CLPTM1L: variants seen among roughly 807,000 people sequenced by gnomAD.
The protein encoded by CLPTM1L is lipid scramblase CLPTM1L.
In CLPTM1L, 38 loss-of-function variants were observed where a neutral mutation model predicts 70.9. The ratio of observed to expected loss-of-function variants is 0.54; its 90% CI spans 0.41 to 0.70. The LOEUF is 0.70. Among genes scored for constraint, CLPTM1L ranks in the 30% least tolerant of loss-of-function variants. The pLI, the probability that CLPTM1L is intolerant of heterozygous loss-of-function variation, is 0.00. For synonymous variants in CLPTM1L, 339 were observed against 299.9 expected, an observed-to-expected ratio of 1.13 and a Z score of -1.35; for missense variants, 652 against 705.9, an observed-to-expected ratio of 0.92 and a Z score of 0.87.
chr5:1,334,916 C>G, intron 6 of CLPTM1L, 141 bp downstream of exon 6: 1 of 622,052 alleles, frequency 1.6e-6, no homozygotes, highest in South Asian at 1.9e-5. Context: ...GAGGCAGGCG[C>G]TGCTAGCCTC....
intron 10 of CLPTM1L, 176 bp from the exon 11 acceptor site, chr5:1,324,989 T>C: frequency 1.6e-6 from 1 of 625,532 alleles, no homozygotes; most frequent in Non-Finnish European, 2.9e-6. Flanking sequence ...TCCGCATGGA[T>C]CCTTCCCGCC....
At chr5:1,341,643 G>T (rs764419456) in intron 3 of CLPTM1L, 28 bp downstream of exon 3, 2 of 1,571,102 alleles carry the variant, frequency 1.3e-6, no homozygotes, top group Non-Finnish European at 1.7e-6. Context: ...GGCACAGCCT[G>T]TTATCAGTAA....
At chr5:1,337,815 C>A in intron 5 of CLPTM1L, 89 bp downstream of exon 5, 1 of 1,031,068 alleles carries the variant, frequency 9.7e-7, no homozygotes, top group Non-Finnish European at 1.5e-6. Context: ...CAGCAATGGC[C>A]CGGTCCATTA....
chr5:1,331,107 C>T lies in CLPTM1L; in HGVS notation c.976+692G>A, dbSNP rs78230407. ...CTCGTCCTCACACCCATCAACCACT[C>T]GCCCCTGTCCAGACCGCCGCTCCCC... On this transcript the variant is annotated intron_variant, in intron 8 of 16. Coordinates refer to ENST00000320895, the MANE Select transcript of CLPTM1L (RefSeq NM_030782.5). The T allele has an allele frequency of 8.6e-4, 132 of 153,300 alleles. 3 individuals carry two copies. In the East Asian group the frequency reaches 0.018, roughly 21 times the overall value. 9.5% of individuals were successfully genotyped at this position (153,300 alleles called of 1,614,324 possible). A position where few individuals can be genotyped will look rare whatever the true frequency, so the allele number is the denominator to read the frequency against.
chr5:1,324,926 A>G (rs937261699), intron 10 of CLPTM1L, 113 bp from the exon 11 acceptor site: 3 of 952,136 alleles, frequency 3.2e-6, no homozygotes, highest in African/African-American at 1.6e-5. Context: ...AGGCCTCACT[A>G]CAGAGGGCGC....
At position 1,320,647 on chromosome 5, in the gene CLPTM1L, C is replaced by A. The variant is rs778022626; in HGVS notation, c.1501G>T (p.Val501Leu). 2 of 1,546,080 alleles carry A rather than the reference C, an allele frequency of 1.3e-6. No homozygotes were observed. The highest frequency in any genetic ancestry group is 1.2e-5 in the South Asian group (1 of 83,658). ...TGGTACAGGTAGACCAGAAACACCACGTCGTCCCGGAAGCAGGCCAGCCGG... is the reference window on the plus strand; with the variant it reads ...TGGTACAGGTAGACCAGAAACACCAAGTCGTCCCGGAAGCAGGCCAGCCGG... The part of the protein sequence containing the change: ...SHRLACFRDD[V>L]VFLVYLYQRW... The change falls in exon 16 of 17, where the codon GTG becomes TTG. Residue 501 changes from valine to leucine, a missense_variant. Physicochemically the swap from Val to Leu is conservative, Grantham distance 32. This residue lies in a region of CLPTM1L where 240 missense variants were observed against 295.0 expected (regional missense o/e 0.81). Coordinates refer to ENST00000320895, the MANE Select transcript of CLPTM1L (RefSeq NM_030782.5).
intron 11 of CLPTM1L, chr5:1,324,097 T>A: frequency 1.8e-6 from 1 of 559,980 alleles, no homozygotes; most frequent in Non-Finnish European, 3.2e-6. Flanking sequence ...CTACAGGCGC[T>A]AGTTAACAAT....
rs758630380 is a variant in CLPTM1L at position 1,342,567 on chromosome 5, G to A, written c.264-707C>T. On this transcript the variant is annotated intron_variant, in intron 2 of 16. Coordinates refer to ENST00000320895, the MANE Select transcript of CLPTM1L (RefSeq NM_030782.5). The surrounding 1 kb of genome is among the most constrained non-coding windows in gnomAD (Gnocchi z 4.3). The stretch of plus-strand genomic sequence containing the variant: ...AAAACCTCGCATTCCACCTGTTTAC[G>A]GTTACATGAGTTCTTCTTCCTCTTT... Among the ~76,000 whole-genome samples the A allele has an allele frequency of 7.2e-5, 11 of 152,272 alleles. No individual in the cohort carries two copies. The highest frequency in any genetic ancestry group is 1.6e-4 in the Non-Finnish European group (11 of 68,010).
chr5:1,334,045 C>T (rs909809093), intron 7 of CLPTM1L, among the ~76,000 whole-genome samples: 1 of 152,144 alleles, frequency 6.6e-6, no homozygotes, highest in Admixed American at 6.5e-5. Context: ...CAGCACAGCC[C>T]AAGTCGCCAA....
At chr5:1,333,453 T>C (rs71213494) in intron 7 of CLPTM1L, among the ~76,000 whole-genome samples, 20 of 17,894 alleles carry the variant, frequency 1.1e-3, no homozygotes, top group African/African-American at 1.5e-3. Context: ...TGTATACACA[T>C]TGGATGAGGA....
intron 11 of CLPTM1L, among the ~76,000 whole-genome samples, chr5:1,324,204 A>T (rs540721216): frequency 1.3e-5 from 2 of 152,386 alleles, no homozygotes; most frequent in South Asian, 4.1e-4. Flanking sequence ...TAAGTAATGT[A>T]GTTACATCGC....
At chr5:1,325,161 G>C (rs1406247965) in intron 10 of CLPTM1L, 1 of 371,158 alleles carries the variant, frequency 2.7e-6, no homozygotes, top group African/African-American at 2.0e-5. Context: ...CGGGAGCCAT[G>C]GGGCAAGGTG....
intron 9 of CLPTM1L, chr5:1,326,265 G>A (rs1438863268): frequency 1.6e-5 from 4 of 255,606 alleles, no homozygotes; most frequent in Middle Eastern, 1.4e-3. Context: ...TCGTACCTAT[G>A]GAGGGACCCT....
intron 10 of CLPTM1L, 74 bp from the exon 11 acceptor site, chr5:1,324,887 G>C: frequency 2.2e-6 from 3 of 1,390,466 alleles, no homozygotes; most frequent in Non-Finnish European, 2.0e-6. Context: ...GTGACTAAGG[G>C]GCGTCACATA....
rs148982705 is a variant in CLPTM1L, at chr5:1,334,139, C to T, written c.891+150G>A. 1,606 of 567,868 alleles carry T rather than the reference C, an allele frequency of 2.8e-3. 24 individuals carry two copies. Among genetic ancestry groups the T allele is most frequent in the African/African-American group, 0.027 (1,394 of 51,652 alleles). 35.2% of individuals were successfully genotyped at this position (567,868 alleles called of 1,614,324 possible). On this transcript the variant is annotated intron_variant, in intron 7 of 16. Coordinates refer to ENST00000320895, the MANE Select transcript of CLPTM1L (RefSeq NM_030782.5). ...GGGACAATGGTCGCCTGGTGTCAGGCGTGCTGGCTGCTGAGTGATGGGAGT... is the reference window on the plus strand; with the variant it reads ...GGGACAATGGTCGCCTGGTGTCAGGTGTGCTGGCTGCTGAGTGATGGGAGT...
Position 1,322,862 on chromosome 5 carries a change from A to G in CLPTM1L, c.1315+15T>C. ...GGAAACACTAGTACTGAAGCAGGGA[A>G]GCACATGGACTCACCGTTGACGAAG... is the stretch of plus-strand genomic sequence containing the variant. On this transcript the variant is annotated intron_variant, in intron 13 of 16. Transcript: ENST00000320895. 1 of 1,613,448 alleles carries G rather than the reference A, an allele frequency of 6.2e-7. No individual in the cohort carries two copies. Among genetic ancestry groups the G allele is most frequent in the Non-Finnish European group, 8.5e-7 (1 of 1,179,390 alleles).
At position 1,325,830 on chromosome 5, in the gene CLPTM1L, T is replaced by C. The variant is rs1752497170; in HGVS notation, c.1081-14A>G. The C allele has an allele frequency of 6.2e-7, 1 of 1,612,326 alleles. No homozygotes were observed. ...CACTTTCCACAGCTGAGGGGAGAAA[T>C]CAGGAAATAGTTCCTTTAATATTCG... is the stretch of plus-strand genomic sequence containing the variant. On this transcript the variant is annotated splice_polypyrimidine_tract_variant and intron_variant, in intron 9 of 16. Coordinates refer to ENST00000320895, the MANE Select transcript of CLPTM1L (RefSeq NM_030782.5).
chr5:1,330,345 A>T lies in CLPTM1L; in HGVS notation c.1015T>A (p.Phe339Ile), dbSNP rs376339367. 3 of 1,612,718 alleles carry T rather than the reference A, an allele frequency of 1.9e-6. No individual in the cohort carries two copies. In the African/African-American group the frequency reaches 4.0e-5, roughly 22 times the overall value. Residue 339 changes from phenylalanine (F) to isoleucine (I), a missense_variant, in exon 9 of 17, where the codon TTC becomes ATC. Physicochemically the swap from Phe to Ile is conservative, Grantham distance 21. Transcript: ENST00000320895. ...RCFSTVVIFLFLLDEQTSLLV... is the reference protein window; with the variant it reads ...RCFSTVVIFLILLDEQTSLLV... Reference sequence around the variant, plus strand: ...AGGCTCGTCTGCTCGTCCAGCAGGAACAGAAAGATGACCACGGTGCTGAAG... The same window carrying T: ...AGGCTCGTCTGCTCGTCCAGCAGGATCAGAAAGATGACCACGGTGCTGAAG...
chr5:1,322,647 T>C (rs1752224683), intron 13 of CLPTM1L, among the ~76,000 whole-genome samples: 2 of 152,238 alleles, frequency 1.3e-5, no homozygotes, highest in African/African-American at 4.8e-5. Flanking sequence ...CCCTGTCGCT[T>C]GTACAAGGAC....
Sources: allele counts gnomAD v4.1 joint callset (sites outside exome capture counted in the v4.1 genomes callset), GRCh38; gene constraint gnomAD v4.1.1; regional missense constraint gnomAD v4.1.1; non-coding constraint Gnocchi (gnomAD v3.1); transcripts MANE v1.5; gene names NCBI Gene and HGNC (gene_info 2026-07-23, HGNC 2026-07-21).